The following DTNA variants were observed in gnomAD, a reference collection of about 807,000 sequenced individuals.
DTNA encodes dystrophin-related protein 3.
Under a neutral mutation model 100.7 loss-of-function variants are expected in DTNA, and 43 were observed. The ratio of observed to expected loss-of-function variants is 0.43; its 90% CI spans 0.33 to 0.55. The LOEUF (loss-of-function observed/expected upper bound fraction) is 0.55. DTNA is among the 20% of genes least tolerant of loss of function. DTNA has a pLI of 0.04. For synonymous variants in DTNA, 349 were observed against 347.9 expected (o/e 1.00, Z -0.04); for missense variants, 798 against 953.9 (o/e 0.84, Z 2.15).
chr18:34,794,247 A>T lies in DTNA; in HGVS notation c.359A>T (p.Asp120Val). ...CTTAACTTCCTGCTTGCAGCGTTTG[A>T]TCCGTAAGCACCCTCTGAATGTCTG... The part of the protein sequence containing the change: ...LLLNFLLAAF[D>V]PEGHGKISVF... Residue 120 changes from aspartate to valine, a missense_variant, in exon 4 of 23, where the codon GAT (aspartate) becomes GTT (valine). Asp to Val is a radical substitution (Grantham distance 152). Around this residue, in one of 6 missense-constraint regions of DTNA, gnomAD observed 197 missense variants for 215.4 expected, o/e 0.91. Transcript: ENST00000444659. 6.2e-7 allele frequency: 1 copy of T among 1,613,806 alleles called. No homozygotes were observed. The highest frequency in any genetic ancestry group is 1.3e-5 in the African/African-American group (1 of 74,950).
chr18:34,867,918 G>A, intron 17 of DTNA: 1 of 985,388 alleles, frequency 1.0e-6, no homozygotes, highest in Non-Finnish European at 1.2e-6. Flanking sequence ...ACGTCACCCA[G>A]ATGTCAGCAA....
intron 1 of DTNA, among the ~76,000 whole-genome samples, chr18:34,723,738 A>G (rs2085919130): frequency 6.6e-6 from 1 of 152,120 alleles, no homozygotes; most frequent in Non-Finnish European, 1.5e-5. Context: ...ATCTCCACCA[A>G]AAATACAAAA....
intron 1 of DTNA, among the ~76,000 whole-genome samples, chr18:34,703,746 C>T (rs2081721241): frequency 6.6e-6 from 1 of 152,140 alleles, no homozygotes; most frequent in Non-Finnish European, 1.5e-5. Context: ...GAAATTTGTT[C>T]AATTACTAGA....
chr18:34,638,964 C>T (rs1036435270), intron 1 of DTNA, among the ~76,000 whole-genome samples: 7 of 152,272 alleles, frequency 4.6e-5, no homozygotes, highest in African/African-American at 1.7e-4. Context: ...GCCTCAGCCT[C>T]CCGAGTAGCT....
intron 1 of DTNA, among the ~76,000 whole-genome samples, chr18:34,508,407 T>C (rs546979621): frequency 6.6e-6 from 1 of 152,286 alleles, no homozygotes; most frequent in Admixed American, 6.5e-5. Flanking sequence ...TGCTGGCATT[T>C]TTCTCTGGGG....
At chr18:34,506,316 A>G (rs1458170825) in intron 1 of DTNA, among the ~76,000 whole-genome samples, 1 of 151,826 alleles carries the variant, frequency 6.6e-6, no homozygotes, top group Non-Finnish European at 1.5e-5. Context: ...TCCTCCCACC[A>G]TTACTATTGA....
In DTNA at chr18:34,833,940, C is replaced by T. The variant is rs187447152; in HGVS notation, c.1176-4154C>T. On this transcript the variant is annotated intron_variant, in intron 11 of 22. Transcript: ENST00000444659. ...TGAAAGCCATTGTCACATTCTGACA[C>T]AATGATATGCTGGAAGCACTCTTTC... 1.8e-3 allele frequency among the ~76,000 whole-genome samples: 270 copies of T among 152,156 alleles called. 4 individuals are homozygous for T. The highest frequency in any genetic ancestry group is 0.017 in the Admixed American group (267 of 15,296).
chr18:34,563,425 G>A (rs147524222), intron 1 of DTNA, among the ~76,000 whole-genome samples: 7 of 152,250 alleles, frequency 4.6e-5, no homozygotes, highest in African/African-American at 1.2e-4. Flanking sequence ...AAACTATTAT[G>A]GAATAAATTT....
At chr18:34,672,073 C>T (rs1483321014) in intron 1 of DTNA, among the ~76,000 whole-genome samples, 1 of 152,112 alleles carries the variant, frequency 6.6e-6, no homozygotes, top group Non-Finnish European at 1.5e-5. Context: ...TAATGAGATG[C>T]AGGAGACAAA....
At chr18:34,654,501 G>A (rs182124864) in intron 1 of DTNA, among the ~76,000 whole-genome samples, 1 of 152,276 alleles carries the variant, frequency 6.6e-6, no homozygotes, top group African/African-American at 2.4e-5. Context: ...TCACTATGCT[G>A]TACTTGCCAG....
intron 1 of DTNA, among the ~76,000 whole-genome samples, chr18:34,724,948 T>C (rs2086257394): frequency 6.6e-6 from 1 of 152,152 alleles, no homozygotes; most frequent in South Asian, 2.1e-4. Flanking sequence ...ACCACACATC[T>C]ACAACCATCG....
intron 1 of DTNA, among the ~76,000 whole-genome samples, chr18:34,672,322 G>A (rs912398250): frequency 2.6e-5 from 4 of 151,942 alleles, no homozygotes; most frequent in Non-Finnish European, 5.9e-5. Flanking sequence ...TATTTGTGTA[G>A]GTAAATACAC....
chr18:34,757,465 A>G (rs1298638031), intron 2 of DTNA, among the ~76,000 whole-genome samples: 5 of 152,186 alleles, frequency 3.3e-5, no homozygotes, highest in African/African-American at 7.2e-5. Context: ...AAATCTGGGG[A>G]AAAATATTTG....
intron 3 of DTNA, among the ~76,000 whole-genome samples, chr18:34,784,392 AATCTAAAT>A (rs1284792046): frequency 6.6e-6 from 1 of 152,150 alleles, no homozygotes; most frequent in Non-Finnish European, 1.5e-5. Context: ...GTCAATATAA[AATCTAAAT>A]GCACCATCAT....
At position 34,888,284 on chromosome 18, in the gene DTNA, G is replaced by A. The variant is rs2096940258; in HGVS notation, c.*550G>A. On this transcript the variant is annotated 3_prime_UTR_variant, in exon 23 of 23. Coordinates refer to ENST00000444659, the MANE Select transcript of DTNA (RefSeq NM_001386795.1). ...ACTGTACATTTTTTTCACAGCAATTGGAAAAAAACAACCACTTGCAATCAT... is the reference window on the plus strand; with the variant it reads ...ACTGTACATTTTTTTCACAGCAATTAGAAAAAAACAACCACTTGCAATCAT... The A allele has an allele frequency of 2.0e-6, 2 of 985,504 alleles. No individual in the cohort carries two copies. Among genetic ancestry groups the A allele is most frequent in the Non-Finnish European group, 2.4e-6 (2 of 829,858 alleles). The allele number at this position is 985,504 out of a possible 1,614,324, so 61.0% of individuals were successfully genotyped here.
In DTNA at chr18:34,810,940, A is replaced by C. The variant is rs535768449; in HGVS notation, c.449-1019A>C. On this transcript the variant is annotated intron_variant, in intron 5 of 22. Transcript: ENST00000444659. ...AAATGAGAGTCAATTCATGTTCTCA[A>C]AACCATAATCCGATAAAAGCCTCTG... Among the ~76,000 whole-genome samples the C allele has an allele frequency of 4.6e-5, 7 of 152,330 alleles. No individual in the cohort carries two copies. The South Asian group carries it at 1.5e-3, about 32-fold the overall frequency.
intron 1 of DTNA, among the ~76,000 whole-genome samples, chr18:34,498,480 TA>T (rs1568539615): frequency 2.1e-5 from 3 of 142,522 alleles, no homozygotes; most frequent in Non-Finnish European, 3.1e-5. Flanking sequence ...ATAATAATAA[TA>T]ATTTAATCAC....
intron 11 of DTNA, among the ~76,000 whole-genome samples, chr18:34,836,642 T>A (rs997957008): frequency 1.8e-4 from 25 of 137,514 alleles, no homozygotes; most frequent in Admixed American, 6.5e-4. Context: ...AGCGAGACTC[T>A]GTCTCAAAAA....
At position 34,785,115 on chromosome 18, in the gene DTNA, G is replaced by A. The variant is rs1251775127; in HGVS notation, c.149-8922G>A. On this transcript the variant is annotated intron_variant, in intron 3 of 22. Transcript: ENST00000444659. ...TTTTTAGTAGAGACAGGGTTTCACC[G>A]TGTTAGCCAGGATGGTCTCAATCTC... 3.3e-5 allele frequency among the ~76,000 whole-genome samples: 5 copies of A among 151,864 alleles called. No individual in the cohort carries two copies. The East Asian group carries it at 5.8e-4, about 18-fold the overall frequency.
Sources: gnomAD v4.1 joint callset for allele counts (sites outside exome capture counted in the v4.1 genomes callset) on GRCh38, gnomAD v4.1.1 for gene constraint, gnomAD v4.1.1 regional missense constraint, MANE v1.5 for transcripts, NCBI Gene and HGNC (gene_info 2026-07-23, HGNC 2026-07-21) for gene names.